Variants in CMKLR1 observed in about 807,000 individuals in gnomAD.
CMKLR1 encodes the protein chemerin-like receptor 1.
CMKLR1 carries 6 observed loss-of-function variants against 8.2 expected under a neutral mutation model. The ratio of observed to expected loss-of-function variants is 0.73; its 90% CI spans 0.40 to 1.44. The LOEUF is 1.44. Ranked by LOEUF, CMKLR1 falls within the 40% of genes most tolerant of loss-of-function variation. The pLI, the probability that CMKLR1 is intolerant of heterozygous loss-of-function variation, is 0.02. For synonymous variants in CMKLR1, 178 were observed against 181.2 expected (o/e 0.98, Z 0.14); for missense variants, 429 against 478.0 (o/e 0.90, Z 0.96).
intron 2 of CMKLR1, among the ~76,000 whole-genome samples, chr12:108,294,231 G>T (rs1193752935): frequency 6.6e-6 from 1 of 152,210 alleles, no homozygotes; most frequent in Non-Finnish European, 1.5e-5. Context: ...CATTCTTGCT[G>T]GATATTCTCT....
intron 2 of CMKLR1, among the ~76,000 whole-genome samples, chr12:108,327,858 C>A (rs921616026): frequency 6.6e-6 from 1 of 152,142 alleles, no homozygotes; most frequent in Non-Finnish European, 1.5e-5. Context: ...AAACACTGGA[C>A]GGGGTGGGAC....
Position 108,290,127 on chromosome 12 carries a change from C to T in CMKLR1, c.*1714G>A, listed in dbSNP as rs1208468933. 2 of 152,350 alleles carry T rather than the reference C, an allele frequency of 1.3e-5. No individual in the cohort carries two copies. Among genetic ancestry groups the T allele is most frequent in the East Asian group, 1.9e-4 (1 of 5,186 alleles). The allele number at this position is 152,350 out of a possible 1,614,324, so 9.4% of individuals were successfully genotyped here. On this transcript the variant is annotated 3_prime_UTR_variant, in exon 4 of 4. Coordinates refer to ENST00000550402, the MANE Select transcript of CMKLR1 (RefSeq NM_001142343.2). ...TGGAAGCCAAGTGCATTTTCTCTGC[C>T]ATGTTGCATCATTTTTGAAAACTAT...
chr12:108,337,014 G>T (rs1017982854), intron 1 of CMKLR1, among the ~76,000 whole-genome samples: 3 of 152,212 alleles, frequency 2.0e-5, no homozygotes, highest in African/African-American at 4.8e-5. Context: ...TCACTCAGTT[G>T]GCAGGTGGCA....
intron 2 of CMKLR1, among the ~76,000 whole-genome samples, chr12:108,310,967 C>T (rs1555252749): frequency 1.4e-5 from 2 of 143,560 alleles, no homozygotes; most frequent in Non-Finnish European, 3.1e-5. Flanking sequence ...ACCCCCCGCC[C>T]AGGAGATGAG....
intron 2 of CMKLR1, among the ~76,000 whole-genome samples, chr12:108,305,394 T>A (rs1891381880): frequency 1.3e-5 from 2 of 152,156 alleles, no homozygotes; most frequent in African/African-American, 4.8e-5. Flanking sequence ...AACCAGCAGC[T>A]GAAATGTAAT....
At chr12:108,314,223 C>T (rs1242697477) in intron 2 of CMKLR1, among the ~76,000 whole-genome samples, 2 of 152,098 alleles carry the variant, frequency 1.3e-5, no homozygotes, top group African/African-American at 2.4e-5. Context: ...AATGGAGTCA[C>T]GGCTAAGGGT....
Position 108,292,670 on chromosome 12 carries a change from T to C in CMKLR1, c.293A>G (p.Tyr98Cys). ...AACCCAGTGGTAGTCCATGGCGGCA[T>C]AGGTGATATGGATTGGGAGGAAGAC... ...FNVFLPIHIT[Y>C]AAMDYHWVFG... The change falls in exon 4 of 4, where the codon TAT becomes TGT. Residue 98 changes from tyrosine (Y) to cysteine (C), a missense_variant. Coordinates refer to ENST00000550402, the MANE Select transcript of CMKLR1 (RefSeq NM_001142343.2). 6.2e-7 allele frequency: 1 copy of C among 1,614,138 alleles called. No individual in the cohort carries two copies. The highest frequency in any genetic ancestry group is 8.5e-7 in the Non-Finnish European group (1 of 1,180,032).
At chr12:108,329,270 C>A (rs758305755) in intron 2 of CMKLR1, among the ~76,000 whole-genome samples, 1 of 152,154 alleles carries the variant, frequency 6.6e-6, no homozygotes, top group Non-Finnish European at 1.5e-5. Flanking sequence ...AGGAGCATTC[C>A]GACCTCCTCC....
In CMKLR1 at chr12:108,291,858, CCCTCTCATTCATAGAAGT is replaced by C; in HGVS notation, c.1087_1104del (p.Thr363_Arg368del). 6.2e-7 allele frequency: 1 copy of C among 1,613,236 alleles called. No individual in the cohort carries two copies. The highest frequency in any genetic ancestry group is 8.5e-7 in the Non-Finnish European group (1 of 1,179,556). ...AGTGAGGATCAAAGCATGCCGGTCTCCCTCTCATTCATAGAAGTCCTCTCATTCATTGATGACATCTTG... is the reference window on the plus strand; with the variant it reads ...AGTGAGGATCAAAGCATGCCGGTCTCCCTCTCATTCATTGATGACATCTTG... On this transcript the variant is annotated inframe_deletion, in exon 4 of 4. Coordinates refer to ENST00000550402, the MANE Select transcript of CMKLR1 (RefSeq NM_001142343.2).
intron 2 of CMKLR1, among the ~76,000 whole-genome samples, chr12:108,303,211 A>T (rs905738239): frequency 5.3e-5 from 8 of 152,204 alleles, no homozygotes; most frequent in Non-Finnish European, 1.2e-4. Context: ...GAGGCTGTGC[A>T]AAGAGTCCTG....
At chr12:108,292,981 A>G (rs770042629) in intron 3 of CMKLR1, 22 bp from the exon 4 acceptor site, 3 of 1,582,336 alleles carry the variant, frequency 1.9e-6, no homozygotes, top group African/African-American at 1.4e-5. Context: ...GACAGGGACC[A>G]TTAGAGGAAC....
rs1311262696 is a variant in CMKLR1, at chr12:108,290,704, T to A, written c.*1137A>T. ...GATGAGAAAAGCCATGCCAGGCACC[T>A]GTATCCAGGAGGTATTTGGTGTCTG... On this transcript the variant is annotated 3_prime_UTR_variant, in exon 4 of 4. Coordinates refer to ENST00000550402, the MANE Select transcript of CMKLR1 (RefSeq NM_001142343.2). 1.3e-5 allele frequency: 2 copies of A among 152,246 alleles called. No homozygotes were observed. Among genetic ancestry groups the A allele is most frequent in the African/African-American group, 4.8e-5 (2 of 41,464 alleles). 9.4% of individuals were successfully genotyped at this position (152,246 alleles called of 1,614,324 possible).
chr12:108,333,641 T>A (rs1490350419), intron 1 of CMKLR1, among the ~76,000 whole-genome samples: 1 of 152,126 alleles, frequency 6.6e-6, no homozygotes, highest in African/African-American at 2.4e-5. Flanking sequence ...ACCTTATGAA[T>A]GAGGAAGCTG....
chr12:108,322,671 C>T (rs1256356773), intron 2 of CMKLR1, among the ~76,000 whole-genome samples: 4 of 152,050 alleles, frequency 2.6e-5, no homozygotes, highest in African/African-American at 7.2e-5. Context: ...ACCTTCCTTC[C>T]CTCTCTCCCT....
At chr12:108,328,759 G>A (rs1892040257) in intron 2 of CMKLR1, among the ~76,000 whole-genome samples, 1 of 152,196 alleles carries the variant, frequency 6.6e-6, no homozygotes, top group Non-Finnish European at 1.5e-5. Context: ...TAGGAGGCCG[G>A]GGGGCCCTTT....
Position 108,292,269 on chromosome 12 carries a change from G to T in CMKLR1, c.694C>A (p.Pro232Thr). ...VTRFLCGFLV[P>T]VLIITACYLT... ...TAGCAAGCTGTGATGATGAGGACTG[G>T]GACCAGGAAGCCACAGAGGAAGCGG... Residue 232 changes from proline to threonine, a missense_variant, in exon 4 of 4, where the codon CCA becomes ACA. Pro to Thr is a conservative substitution (Grantham distance 38). Coordinates refer to ENST00000550402, the MANE Select transcript of CMKLR1 (RefSeq NM_001142343.2). The T allele has an allele frequency of 6.2e-7, 1 of 1,614,180 alleles. No homozygotes were observed. Among genetic ancestry groups the T allele is most frequent in the Non-Finnish European group, 8.5e-7 (1 of 1,180,030 alleles).
chr12:108,301,908 C>A (rs1462579571), intron 2 of CMKLR1, among the ~76,000 whole-genome samples: 8 of 152,158 alleles, frequency 5.3e-5, no homozygotes, highest in Admixed American at 1.3e-4. Flanking sequence ...GGGCTACACA[C>A]ACATACACAC....
chr12:108,310,371 G>A (rs1400932764), intron 2 of CMKLR1, among the ~76,000 whole-genome samples: 1 of 152,140 alleles, frequency 6.6e-6, no homozygotes, highest in African/African-American at 2.4e-5. Flanking sequence ...GGTGGCTGAT[G>A]TGGGCACTGC....
At position 108,308,793 on chromosome 12, in the gene CMKLR1, C is replaced by A. The variant is rs574350831; in HGVS notation, c.-73-15129G>T. On this transcript the variant is annotated intron_variant, in intron 2 of 3. Coordinates refer to ENST00000550402, the MANE Select transcript of CMKLR1 (RefSeq NM_001142343.2). ...AGATTCTTCCTTCCAGTCCTCTAAT[C>A]CTCCTGTTTCCCTTCCTCCATCCTT... 3.3e-5 allele frequency among the ~76,000 whole-genome samples: 5 copies of A among 152,306 alleles called. No homozygotes were observed. In the South Asian group the frequency reaches 1.0e-3, roughly 32 times the overall value.
Sources: allele counts gnomAD v4.1 joint callset (sites outside exome capture counted in the v4.1 genomes callset), GRCh38; gene constraint gnomAD v4.1.1; transcripts MANE v1.5; gene names NCBI Gene and HGNC (gene_info 2026-07-23, HGNC 2026-07-21).